ESYT2: variants seen among roughly 807,000 people sequenced by gnomAD.
The protein encoded by ESYT2 is extended synaptotagmin 2, also known as extended synaptotagmin-2.
Under a neutral mutation model 107.2 loss-of-function variants are expected in ESYT2, and 54 were observed. The ratio of observed to expected loss-of-function variants is 0.50; its 90% CI spans 0.40 to 0.63. The LOEUF is 0.63. ESYT2 is among the 30% of genes least tolerant of loss of function. The pLI is 0.00. For synonymous variants in ESYT2, 491 were observed against 434.1 expected, an observed-to-expected ratio of 1.13 and a Z score of -1.63; for missense variants, 1,020 against 1,094.5, an observed-to-expected ratio of 0.93 and a Z score of 0.96.
At chr7:158,765,996 G>C (rs1178440323) in intron 8 of ESYT2, among the ~76,000 whole-genome samples, 4 of 151,784 alleles carry the variant, frequency 2.6e-5, no homozygotes, top group Admixed American at 2.6e-4. Context: ...TCAGGAGATC[G>C]AGACCATCCT....
At position 158,761,480 on chromosome 7, in the gene ESYT2, C is replaced by T; in HGVS notation, c.1233+16G>A. The T allele has an allele frequency of 6.2e-7, 1 of 1,613,898 alleles. No homozygotes were observed. Among genetic ancestry groups the T allele is most frequent in the South Asian group, 1.1e-5 (1 of 91,082 alleles). On this transcript the variant is annotated intron_variant, in intron 11 of 22. Transcript: ENST00000275418. ...GTCAACAATTGTAAACAGACCCACA[C>T]TCCAGGGAAACTTACTTCATCTAAA...
chr7:158,826,605 G>A (rs555472400), intron 1 of ESYT2, among the ~76,000 whole-genome samples: 2 of 150,018 alleles, frequency 1.3e-5, no homozygotes, highest in Middle Eastern at 3.7e-3. Context: ...GGTGGATCAC[G>A]AGGTCAAGAG....
intron 6 of ESYT2, among the ~76,000 whole-genome samples, chr7:158,781,119 G>A (rs1285585742): frequency 6.6e-6 from 1 of 152,226 alleles, no homozygotes; most frequent in Non-Finnish European, 1.5e-5. Context: ...ACAAGTACGA[G>A]AGAACGAGAA....
intron 7 of ESYT2, among the ~76,000 whole-genome samples, chr7:158,770,553 C>T (rs1468168523): frequency 1.3e-5 from 2 of 151,090 alleles, no homozygotes; most frequent in Admixed American, 6.6e-5. Flanking sequence ...CTCACTCTGT[C>T]GCCCAGGCTG....
At chr7:158,810,687 G>C (rs1365018764) in intron 1 of ESYT2, among the ~76,000 whole-genome samples, 2 of 140,304 alleles carry the variant, frequency 1.4e-5, no homozygotes, top group Non-Finnish European at 3.0e-5. Flanking sequence ...GTCTTGGGGG[G>C]GAAAAAAAAA....
intron 4 of ESYT2, among the ~76,000 whole-genome samples, chr7:158,793,303 C>T (rs576997117): frequency 7.2e-5 from 11 of 152,098 alleles, no homozygotes; most frequent in Non-Finnish European, 1.2e-4. Flanking sequence ...GGGAATAAAT[C>T]CTACTTGGTC....
In ESYT2 at chr7:158,741,712, C is replaced by G. The variant is rs1256054007; in HGVS notation, c.1979G>C (p.Gly660Ala). 2 of 1,614,116 alleles carry G rather than the reference C, an allele frequency of 1.2e-6. No homozygotes were observed. The highest frequency in any genetic ancestry group is 1.1e-5 in the South Asian group (1 of 91,076). The part of the protein sequence containing the change: ...TPVIGGSDKP[G>A]MEEKAQPPEA... ...AGGGGGCTGGGCCTTTTCTTCCATA[C>G]CAGGCTTATCACTGCCCCCAATGAC... The change falls in exon 18 of 23, where the codon GGT becomes GCT. Residue 660 changes from glycine to alanine, a missense_variant. Physicochemically the swap from Gly to Ala is moderately conservative, Grantham distance 60. Transcript: ENST00000275418.
Position 158,760,158 on chromosome 7 carries a change from A to C in ESYT2, c.1234-11T>G, listed in dbSNP as rs761585112. On this transcript the variant is annotated splice_polypyrimidine_tract_variant and intron_variant, in intron 11 of 22. Coordinates refer to ENST00000275418, the MANE Select transcript of ESYT2 (RefSeq NM_001367773.1). ...GTCCAGAGTGAACCACTGAAGAGAA[A>C]AAATGTTTACGTTCAGCAAAAGTTC... The C allele has an allele frequency of 6.2e-7, 1 of 1,612,792 alleles. No individual in the cohort carries two copies. The highest frequency in any genetic ancestry group is 1.3e-5 in the African/African-American group (1 of 74,892).
intron 2 of ESYT2, 146 bp from the exon 3 acceptor site, chr7:158,798,222 G>T: frequency 1.3e-6 from 1 of 763,944 alleles, no homozygotes; most frequent in Non-Finnish European, 2.0e-6. Flanking sequence ...AAATCAACAT[G>T]ATCTAAATTC....
intron 4 of ESYT2, among the ~76,000 whole-genome samples, chr7:158,789,387 C>T (rs1042162199): frequency 4.7e-5 from 7 of 149,498 alleles, no homozygotes; most frequent in Non-Finnish European, 7.5e-5. Flanking sequence ...GATGGAGTCT[C>T]GCTCTGTTGC....
rs748780617 is a variant in ESYT2 at position 158,761,478 on chromosome 7, C to T, written c.1233+18G>A. 4.3e-6 allele frequency: 7 copies of T among 1,613,530 alleles called. No individual in the cohort carries two copies. In the Admixed American group the frequency reaches 1.2e-4, roughly 27 times the overall value. On this transcript the variant is annotated intron_variant, in intron 11 of 22. Transcript: ENST00000275418. ...CAGTCAACAATTGTAAACAGACCCA[C>T]ACTCCAGGGAAACTTACTTCATCTA...
chr7:158,809,474 C>CAAAAAAAAAAAAAAA (rs67422901), intron 1 of ESYT2, among the ~76,000 whole-genome samples: 1 of 49,738 alleles, frequency 2.0e-5, no homozygotes, highest in Admixed American at 2.8e-4. Context: ...GAATCCATCT[C>CAAAAAAAAAAAAAAA]AAAAAAAAAA....
rs538974049 is a variant in ESYT2 at position 158,761,628 on chromosome 7, C to G, written c.1185-84G>C. The G allele has an allele frequency of 1.1e-5, 14 of 1,236,682 alleles. 1 individual carries two copies. Among genetic ancestry groups the G allele is most frequent in the East Asian group, 7.0e-5 (3 of 43,028 alleles). The allele number at this position is 1,236,682 out of a possible 1,614,324, so 76.6% of individuals were successfully genotyped here. A position where few individuals can be genotyped will look rare whatever the true frequency, so the allele number is the denominator to read the frequency against. On this transcript the variant is annotated intron_variant, in intron 10 of 22. Coordinates refer to ENST00000275418, the MANE Select transcript of ESYT2 (RefSeq NM_001367773.1). Reference sequence around the variant, plus strand: ...ACTTTAAAACATAGAAAACACATTTCTTCCTGAAACAACCTTAAGCATTTG... The same window carrying G: ...ACTTTAAAACATAGAAAACACATTTGTTCCTGAAACAACCTTAAGCATTTG...
chr7:158,732,568 T>C lies in ESYT2; in HGVS notation c.*1639A>G, dbSNP rs897679199. The C allele has an allele frequency of 2.2e-4, 34 of 152,432 alleles. No homozygotes were observed. Among genetic ancestry groups the C allele is most frequent in the Admixed American group, 7.2e-4 (11 of 15,282 alleles). 9.4% of individuals were successfully genotyped at this position (152,432 alleles called of 1,614,324 possible). ...CATGGTTCAAAGTGTAAGTTATAAA[T>C]TGAAACAAAATCAAAATCTGCTAGA... On this transcript the variant is annotated 3_prime_UTR_variant, in exon 23 of 23. Transcript: ENST00000275418.
intron 3 of ESYT2, 112 bp downstream of exon 3, chr7:158,797,830 G>C (rs931633715): frequency 5.0e-6 from 7 of 1,402,212 alleles, no homozygotes; most frequent in Non-Finnish European, 6.7e-6. Flanking sequence ...CTCCAGCCTG[G>C]GCAACAGAGC....
chr7:158,827,077 C>A (rs1840476227), intron 1 of ESYT2, among the ~76,000 whole-genome samples: 2 of 147,604 alleles, frequency 1.4e-5, no homozygotes, highest in South Asian at 4.4e-4. Context: ...GCAGGAGAAT[C>A]TTTTGAACCC....
At chr7:158,752,271 T>C (rs1001698143) in intron 14 of ESYT2, among the ~76,000 whole-genome samples, 3 of 152,214 alleles carry the variant, frequency 2.0e-5, no homozygotes, top group Admixed American at 1.3e-4. Flanking sequence ...TAGTTTTCAA[T>C]AGACCTCATT....
chr7:158,734,345 G>A (rs1836843032), intron 22 of ESYT2, 77 bp downstream of exon 22: 1 of 1,611,686 alleles, frequency 6.2e-7, no homozygotes, highest in Non-Finnish European at 8.5e-7. Flanking sequence ...ACTGTCTGTG[G>A]GGGACACTAC....
chr7:158,782,223 ATG>A (rs71200057), intron 6 of ESYT2, among the ~76,000 whole-genome samples: 16,644 of 111,056 alleles, frequency 0.15, 967 homozygotes, highest in African/African-American at 0.16. Context: ...GTGAGAACAG[ATG>A]TGAGTGTAAC....
Sources: allele counts gnomAD v4.1 joint callset (sites outside exome capture counted in the v4.1 genomes callset), GRCh38; gene constraint gnomAD v4.1.1; transcripts MANE v1.5; gene names NCBI Gene and HGNC (gene_info 2026-07-23, HGNC 2026-07-21).